The following CSTPP1 variants were observed in gnomAD, a reference collection of about 807,000 sequenced individuals.
The protein encoded by CSTPP1 is UPF0705 protein C11orf49.
the CSTPP1 span, among the ~76,000 whole-genome samples, chr11:47,010,370 G>A: frequency 4.0e-3 from 615 of 152,270 alleles, 4 homozygotes; most frequent in Non-Finnish European, 5.9e-3. Context: ...GTTCTTGGCC[G>A]AAGCAACGGA....
At chr11:47,105,597 G>T in the CSTPP1 span, among the ~76,000 whole-genome samples, 1 of 152,132 alleles carries the variant, frequency 6.6e-6, no homozygotes, top group Non-Finnish European at 1.5e-5. Flanking sequence ...AAACATTTTT[G>T]TTATATAATC....
At chr11:47,157,773 A>T in the CSTPP1 span, 24,114 of 1,588,342 alleles carry the variant, frequency 0.015, 232 homozygotes, top group Non-Finnish European at 0.019. Flanking sequence ...GGTGGCCCTG[A>T]GGCTGGCTAG....
At chr11:46,950,452 C>A in the CSTPP1 span, among the ~76,000 whole-genome samples, 1 of 152,088 alleles carries the variant, frequency 6.6e-6, no homozygotes, top group Non-Finnish European at 1.5e-5. Context: ...GGATTACAGG[C>A]ATGAGCCACC....
At chr11:47,148,340 C>T in the CSTPP1 span, among the ~76,000 whole-genome samples, 8 of 152,162 alleles carry the variant, frequency 5.3e-5, no homozygotes, top group Non-Finnish European at 1.2e-4. Flanking sequence ...CCATGACTGA[C>T]ACCTTGACCT....
At chr11:46,937,881 G>T in the CSTPP1 span, among the ~76,000 whole-genome samples, 1 of 150,176 alleles carries the variant, frequency 6.7e-6, no homozygotes, top group African/African-American at 2.5e-5. Context: ...TTTTTTTAAA[G>T]ACGTTTTGTT....
the CSTPP1 span, among the ~76,000 whole-genome samples, chr11:47,022,562 G>T: frequency 0.65 from 97,979 of 151,044 alleles, 32,158 homozygotes; most frequent in Middle Eastern, 0.7. Context: ...TAGAGGCAGG[G>T]TTTCACCATG....
chr11:47,119,765 C>T, the CSTPP1 span, among the ~76,000 whole-genome samples: 2 of 152,004 alleles, frequency 1.3e-5, no homozygotes, highest in African/African-American at 2.4e-5. Context: ...GCATGCACCA[C>T]CACGCCCAGC....
chr11:47,161,023 A>G, the CSTPP1 span: 1 of 1,462,206 alleles, frequency 6.8e-7, no homozygotes, highest in South Asian at 1.2e-5. Flanking sequence ...CGGCCCTCGC[A>G]GGGTCAGCAG....
the CSTPP1 span, among the ~76,000 whole-genome samples, chr11:46,970,356 A>G: frequency 6.6e-6 from 1 of 151,560 alleles, no homozygotes; most frequent in Admixed American, 6.6e-5. Flanking sequence ...ATACATATGT[A>G]ACTAACCTGC....
chr11:47,085,974 TG>T, the CSTPP1 span, among the ~76,000 whole-genome samples: 1 of 80,444 alleles, frequency 1.2e-5, no homozygotes, highest in African/African-American at 4.8e-5. Flanking sequence ...AATTAGGGGA[TG>T]GGGGTCGGGG....
At chr11:47,139,671 CAAA>C in the CSTPP1 span, among the ~76,000 whole-genome samples, 41 of 119,108 alleles carry the variant, frequency 3.4e-4, no homozygotes, top group South Asian at 1.0e-3. Context: ...GACTGAACGT[CAAA>C]AAAAAAAAAA....
chr11:46,971,549 TAG>T, the CSTPP1 span, among the ~76,000 whole-genome samples: 1 of 152,170 alleles, frequency 6.6e-6, no homozygotes, highest in South Asian at 2.1e-4. Flanking sequence ...AATATATTTA[TAG>T]CCACATTATT....
chr11:46,987,120 C>G, the CSTPP1 span: 3 of 1,300,224 alleles, frequency 2.3e-6, no homozygotes, highest in Admixed American at 1.7e-5. Context: ...CCTGGATTGC[C>G]TTACACATGA....
the CSTPP1 span, chr11:47,138,009 A>ACC: frequency 1.2e-4 from 59 of 509,790 alleles, no homozygotes; most frequent in Admixed American, 3.0e-4. Flanking sequence ...CCCCTCCAAT[A>ACC]CCCCCACACA....
chr11:47,007,178 G>A, the CSTPP1 span, among the ~76,000 whole-genome samples: 9 of 151,478 alleles, frequency 5.9e-5, no homozygotes, highest in Non-Finnish European at 1.2e-4. Flanking sequence ...GATTACAGGC[G>A]CCCACCACCG....
chr11:47,106,148 G>A, the CSTPP1 span, among the ~76,000 whole-genome samples: 1 of 152,058 alleles, frequency 6.6e-6, no homozygotes, highest in African/African-American at 2.4e-5. Flanking sequence ...TGGAACACAG[G>A]GAAACCGCTC....
chr11:47,159,941 T>C, the CSTPP1 span: 1 of 335,616 alleles, frequency 3.0e-6, no homozygotes, highest in African/African-American at 2.2e-5. Flanking sequence ...GAGGCGGAGG[T>C]TGCAGTGAGC....
chr11:47,004,309 A>G, the CSTPP1 span: 1 of 150,928 alleles, frequency 6.6e-6, no homozygotes, highest in Admixed American at 6.6e-5. Context: ...CCATGTAGCC[A>G]TGACCACAGG....
chr11:47,109,776 T>C, the CSTPP1 span, among the ~76,000 whole-genome samples: 8 of 152,204 alleles, frequency 5.3e-5, no homozygotes, highest in Non-Finnish European at 1.2e-4. Context: ...GCTCCAGTAA[T>C]TGGTAAGGCT....
Sources: allele counts gnomAD v4.1 joint callset (sites outside exome capture counted in the v4.1 genomes callset), GRCh38; gene constraint gnomAD v4.1.1; transcripts MANE v1.5; gene names NCBI Gene and HGNC (gene_info 2026-07-23, HGNC 2026-07-21).